The following PLEKHA7 variants were observed in gnomAD, a reference collection of about 807,000 sequenced individuals.
The protein encoded by PLEKHA7 is pleckstrin homology domain-containing family A member 7.
A neutral mutation model predicts 170.0 loss-of-function variants in PLEKHA7; 104 were observed. The ratio of observed to expected loss-of-function variants is 0.61; its 90% CI spans 0.52 to 0.72. The LOEUF is 0.72. PLEKHA7 is among the 30% of genes least tolerant of loss of function. The pLI, the probability that PLEKHA7 is intolerant of heterozygous loss-of-function variation, is 0.00. For missense variants in PLEKHA7, 1,615 were observed against 1,671.7 expected, an observed-to-expected ratio of 0.97 and a Z score of 0.59; for synonymous variants, 648 against 660.8, an observed-to-expected ratio of 0.98 and a Z score of 0.30.
intron 13 of PLEKHA7, among the ~76,000 whole-genome samples, chr11:16,806,287 C>T (rs1279169351): frequency 2.0e-5 from 3 of 152,174 alleles, no homozygotes; most frequent in Non-Finnish European, 4.4e-5. Context: ...TCCAGACAGC[C>T]GAGGCTGCTA....
chr11:16,965,291 C>G (rs1017746087), intron 3 of PLEKHA7, among the ~76,000 whole-genome samples: 14 of 151,764 alleles, frequency 9.2e-5, no homozygotes, highest in African/African-American at 3.4e-4. Flanking sequence ...CCACTGCGCT[C>G]TAGCCTGGAT....
intron 3 of PLEKHA7, among the ~76,000 whole-genome samples, chr11:16,979,198 T>C (rs1319906675): frequency 6.6e-6 from 1 of 152,058 alleles, no homozygotes; most frequent in Non-Finnish European, 1.5e-5. Flanking sequence ...CCTGGCTAAT[T>C]TTTGTATTTT....
intron 3 of PLEKHA7, among the ~76,000 whole-genome samples, chr11:16,944,466 T>G (rs758522032): frequency 1.3e-5 from 2 of 149,882 alleles, no homozygotes; most frequent in Non-Finnish European, 3.0e-5. Context: ...GAGCTGAGAT[T>G]GCACCACTGC....
chr11:16,789,444 T>C lies in PLEKHA7; in HGVS notation c.3157-148A>G. 2.7e-6 allele frequency: 2 copies of C among 739,876 alleles called. No individual in the cohort carries two copies. Among genetic ancestry groups the C allele is most frequent in the Non-Finnish European group, 4.4e-6 (2 of 451,854 alleles). 45.8% of individuals were successfully genotyped at this position (739,876 alleles called of 1,614,324 possible). Reference sequence around the variant, plus strand: ...CTCCTCTTGGCCTTAGAGAACTATTTCCTCTAAGCAACACGATGCCCCCAA... The same window carrying C: ...CTCCTCTTGGCCTTAGAGAACTATTCCCTCTAAGCAACACGATGCCCCCAA... On this transcript the variant is annotated intron_variant, in intron 22 of 26. Coordinates refer to ENST00000531066, the MANE Select transcript of PLEKHA7 (RefSeq NM_001329630.2). The surrounding 1 kb of genome is among the most constrained non-coding windows in gnomAD (Gnocchi z 4.6).
At chr11:16,831,065 G>T (rs1851065222) in intron 9 of PLEKHA7, among the ~76,000 whole-genome samples, 1 of 152,206 alleles carries the variant, frequency 6.6e-6, no homozygotes, top group South Asian at 2.1e-4. Flanking sequence ...AGAGCGAATG[G>T]CAGTCAGCTT....
At chr11:17,007,210 T>C (rs1469590336) in intron 3 of PLEKHA7, among the ~76,000 whole-genome samples, 1 of 152,198 alleles carries the variant, frequency 6.6e-6, no homozygotes, top group African/African-American at 2.4e-5. Flanking sequence ...ATGAGGTAAA[T>C]GCACTGATAT....
chr11:16,803,302 G>C lies in PLEKHA7; in HGVS notation c.2008-7C>G. 1.9e-6 allele frequency: 3 copies of C among 1,611,084 alleles called. No individual in the cohort carries two copies. The highest frequency in any genetic ancestry group is 2.5e-6 in the Non-Finnish European group (3 of 1,177,296). ...GAAGGTCCCGGCCTGTCATCTGGGA[G>C]GCGAACAATTTAAAAGAGATTTAAC... On this transcript the variant is annotated splice_region_variant and splice_polypyrimidine_tract_variant and intron_variant, in intron 13 of 26. Transcript: ENST00000531066.
intron 10 of PLEKHA7, among the ~76,000 whole-genome samples, chr11:16,818,534 C>T (rs1032462751): frequency 6.6e-6 from 1 of 152,232 alleles, no homozygotes; most frequent in African/African-American, 2.4e-5. Context: ...AGTGATCCAA[C>T]TCTGTTTGAC....
chr11:16,849,428 T>C (rs1852736161), intron 8 of PLEKHA7, among the ~76,000 whole-genome samples: 6 of 152,192 alleles, frequency 3.9e-5, no homozygotes, highest in Admixed American at 3.9e-4. Context: ...TAAGGAAGAT[T>C]TTTCAGGCTG....
At chr11:16,928,280 A>G (rs1859702542) in intron 3 of PLEKHA7, among the ~76,000 whole-genome samples, 1 of 152,170 alleles carries the variant, frequency 6.6e-6, no homozygotes, top group African/African-American at 2.4e-5. Flanking sequence ...ACTGCACTCC[A>G]GCCTGGGTGA....
At chr11:16,882,727 T>A (rs1855798749) in intron 3 of PLEKHA7, among the ~76,000 whole-genome samples, 1 of 152,184 alleles carries the variant, frequency 6.6e-6, no homozygotes, top group African/African-American at 2.4e-5. Flanking sequence ...TGCTTAGCCC[T>A]CTGAGTGCTT....
At chr11:16,924,808 G>C (rs189531298) in intron 3 of PLEKHA7, among the ~76,000 whole-genome samples, 1 of 152,312 alleles carries the variant, frequency 6.6e-6, no homozygotes, top group African/African-American at 2.4e-5. Context: ...CTCCAGCTTA[G>C]ACACATTAAT....
At chr11:16,806,576 T>A (rs867203471) in intron 13 of PLEKHA7, among the ~76,000 whole-genome samples, 1 of 152,192 alleles carries the variant, frequency 6.6e-6, no homozygotes, top group Non-Finnish European at 1.5e-5. Flanking sequence ...TGCTTCTCGA[T>A]CTGCATCCTC....
chr11:16,990,294 A>AAAAAACCAAAAAAC (rs1863969506), intron 3 of PLEKHA7, among the ~76,000 whole-genome samples: 1 of 148,828 alleles, frequency 6.7e-6, no homozygotes, highest in Non-Finnish European at 1.5e-5. Context: ...AAAAAAAAAA[A>AAAAAACCAAAAAAC]AAAAACTTCT....
Position 16,816,221 on chromosome 11 carries a change from T to TAAC in PLEKHA7, c.1907_1909dup (p.Gly636_Tyr637insCys). On this transcript the variant is annotated inframe_insertion, in exon 12 of 27. Coordinates refer to ENST00000531066, the MANE Select transcript of PLEKHA7 (RefSeq NM_001329630.2). Reference sequence around the variant, plus strand: ...GGGAGCGCTGACGGTGTGGGTCATGTAACCCATGGAGGGCATGGAGCGTCG... The same window carrying TAAC: ...GGGAGCGCTGACGGTGTGGGTCATGTAACAACCCATGGAGGGCATGGAGCGTCG... 6.2e-7 allele frequency: 1 copy of TAAC among 1,614,030 alleles called. No individual in the cohort carries two copies. Among genetic ancestry groups the TAAC allele is most frequent in the Non-Finnish European group, 8.5e-7 (1 of 1,179,932 alleles).
chr11:16,963,295 G>C (rs1299940568), intron 3 of PLEKHA7, among the ~76,000 whole-genome samples: 1 of 152,196 alleles, frequency 6.6e-6, no homozygotes, highest in Non-Finnish European at 1.5e-5. Flanking sequence ...GGTTGAGGTA[G>C]CTGCAGGCTC....
At chr11:16,801,391 G>C (rs1221993924) in intron 16 of PLEKHA7, among the ~76,000 whole-genome samples, 1 of 152,230 alleles carries the variant, frequency 6.6e-6, no homozygotes, top group African/African-American at 2.4e-5. Context: ...CAGATCAGGG[G>C]AACAGCCTTG....
At chr11:16,922,585 A>G (rs2136250868) in intron 3 of PLEKHA7, among the ~76,000 whole-genome samples, 1 of 152,230 alleles carries the variant, frequency 6.6e-6, no homozygotes, top group Non-Finnish European at 1.5e-5. Flanking sequence ...CCTAGGTTGG[A>G]ACTTTGTGCT....
chr11:16,827,067 T>C (rs563276264), intron 9 of PLEKHA7, among the ~76,000 whole-genome samples: 1 of 152,360 alleles, frequency 6.6e-6, no homozygotes, highest in South Asian at 2.1e-4. Flanking sequence ...TATTCTACTC[T>C]GTGCTACTGA....
Sources: gnomAD v4.1 joint callset for allele counts (sites outside exome capture counted in the v4.1 genomes callset) on GRCh38, gnomAD v4.1.1 for gene constraint, Gnocchi (gnomAD v3.1) non-coding constraint, MANE v1.5 for transcripts, NCBI Gene and HGNC (gene_info 2026-07-23, HGNC 2026-07-21) for gene names.